Variants in CNTNAP4 observed in about 807,000 individuals in gnomAD.
The protein encoded by CNTNAP4 is contactin associated protein family member 4, also known as contactin-associated protein-like 4.
A neutral mutation model predicts 148.4 loss-of-function variants in CNTNAP4; 98 were observed. The observed-to-expected ratio is 0.66, with a 90% confidence interval of 0.56 to 0.78. The LOEUF (loss-of-function observed/expected upper bound fraction) is 0.78. Ranked by LOEUF, CNTNAP4 falls within the 30% of genes least tolerant of loss-of-function variation. The probability of loss-of-function intolerance (pLI) is 0.00; values close to 1 mark genes in which losing one functional copy is unlikely to be tolerated. For synonymous variants in CNTNAP4, 730 were observed against 565.1 expected (o/e 1.29, Z -4.14); for missense variants, 1,935 against 1,565.6 (o/e 1.24, Z -3.98).
intron 3 of CNTNAP4, among the ~76,000 whole-genome samples, chr16:76,421,764 C>A (rs534448425): frequency 6.6e-6 from 1 of 152,132 alleles, no homozygotes; most frequent in Non-Finnish European, 1.5e-5. Context: ...AGAATTCTCA[C>A]AACAAGGGAG....
intron 3 of CNTNAP4, among the ~76,000 whole-genome samples, chr16:76,413,988 A>C (rs1198840874): frequency 6.6e-6 from 1 of 151,210 alleles, no homozygotes; most frequent in Non-Finnish European, 1.5e-5. Context: ...ATTTGCACTC[A>C]TACACCTATA....
chr16:76,517,379 T>G (rs957479226), intron 15 of CNTNAP4, among the ~76,000 whole-genome samples: 1 of 152,202 alleles, frequency 6.6e-6, no homozygotes, highest in African/African-American at 2.4e-5. Flanking sequence ...GCATGGAATC[T>G]TTCTGTGTTA....
At chr16:76,501,020 A>G (rs2082617983) in intron 15 of CNTNAP4, among the ~76,000 whole-genome samples, 1 of 152,202 alleles carries the variant, frequency 6.6e-6, no homozygotes, top group African/African-American at 2.4e-5. Context: ...CAGTGGATTT[A>G]TGGAGACACA....
At chr16:76,296,067 C>CT (rs1319310754) in intron 1 of CNTNAP4, among the ~76,000 whole-genome samples, 6 of 152,088 alleles carry the variant, frequency 3.9e-5, no homozygotes, top group Non-Finnish European at 8.8e-5. Context: ...TATTTAAAAG[C>CT]TTTTTTGAGA....
At chr16:76,429,382 A>G (rs34707016) in intron 4 of CNTNAP4, among the ~76,000 whole-genome samples, 54,559 of 152,058 alleles carry the variant, frequency 0.36, 11,250 homozygotes, top group Non-Finnish European at 0.45. Flanking sequence ...CTTGCAAAAT[A>G]CTTGTCTATC....
chr16:76,462,885 T>C (rs992190547), intron 9 of CNTNAP4, among the ~76,000 whole-genome samples: 1 of 152,242 alleles, frequency 6.6e-6, no homozygotes, highest in Non-Finnish European at 1.5e-5. Context: ...TTTTACTAAT[T>C]GCTTGTATCT....
chr16:76,524,598 A>C (rs913044983), intron 17 of CNTNAP4, among the ~76,000 whole-genome samples: 1 of 152,174 alleles, frequency 6.6e-6, no homozygotes, highest in South Asian at 2.1e-4. Flanking sequence ...GAAATGAAGC[A>C]CTAGTATGTC....
chr16:76,396,560 G>T (rs1172869557), intron 3 of CNTNAP4, among the ~76,000 whole-genome samples: 1 of 152,208 alleles, frequency 6.6e-6, no homozygotes, highest in Admixed American at 6.5e-5. Context: ...TTACAGAGTG[G>T]TTTTGTTTTT....
At chr16:76,379,446 G>C (rs2015748942) in intron 3 of CNTNAP4, among the ~76,000 whole-genome samples, 1 of 151,822 alleles carries the variant, frequency 6.6e-6, no homozygotes, top group African/African-American at 2.4e-5. Flanking sequence ...CTTTGTTTGG[G>C]GTTTAGAGTT....
At chr16:76,462,991 C>A (rs1490298118) in intron 9 of CNTNAP4, among the ~76,000 whole-genome samples, 1 of 152,106 alleles carries the variant, frequency 6.6e-6, no homozygotes, top group East Asian at 1.9e-4. Flanking sequence ...AGCACACAGT[C>A]CATGAATCAG....
At chr16:76,468,342 C>T (rs761557501) in intron 10 of CNTNAP4, among the ~76,000 whole-genome samples, 5 of 151,900 alleles carry the variant, frequency 3.3e-5, no homozygotes, top group African/African-American at 7.2e-5. Context: ...GGCATGGTGG[C>T]GGATGCCTGT....
At chr16:76,359,356 C>T (rs1385140446) in intron 3 of CNTNAP4, among the ~76,000 whole-genome samples, 2 of 152,090 alleles carry the variant, frequency 1.3e-5, no homozygotes, top group Admixed American at 6.5e-5. Context: ...AAACAAAAGA[C>T]AAGTGTTACT....
rs2082601186 is a variant in CNTNAP4 at position 76,500,641 on chromosome 16, TG to T, written c.2365+1948del. Among the ~76,000 whole-genome samples, 3 of 139,600 alleles carry T rather than the reference TG, an allele frequency of 2.1e-5. No homozygotes were observed. In the South Asian group the frequency reaches 6.9e-4, roughly 32 times the overall value. The allele number at this position is 139,600 out of a possible 152,430, so 91.6% of individuals were successfully genotyped here. On this transcript the variant is annotated intron_variant, in intron 15 of 23. Transcript: ENST00000611870. ...TTGTGTGTGTGTGTGTGTGTGTGTGTGTCTGTGTGCATTTACTTTAAACCAG... is the reference window on the plus strand; with the variant it reads ...TTGTGTGTGTGTGTGTGTGTGTGTGTTCTGTGTGCATTTACTTTAAACCAG...
intron 15 of CNTNAP4, among the ~76,000 whole-genome samples, chr16:76,503,702 C>A (rs564226599): frequency 6.6e-6 from 1 of 151,486 alleles, no homozygotes; most frequent in Admixed American, 6.6e-5. Flanking sequence ...CAACAGGCCC[C>A]GGTGTGTGAT....
intron 15 of CNTNAP4, among the ~76,000 whole-genome samples, chr16:76,499,323 C>T (rs1050904759): frequency 6.6e-6 from 1 of 152,030 alleles, no homozygotes; most frequent in African/African-American, 2.4e-5. Flanking sequence ...AAAGTCCATT[C>T]ATACCTCCAG....
chr16:76,372,034 G>T lies in CNTNAP4; in HGVS notation c.390+16523G>T, dbSNP rs922575977. 2.0e-5 allele frequency among the ~76,000 whole-genome samples: 3 copies of T among 152,056 alleles called. No individual in the cohort carries two copies. The East Asian group carries it at 5.8e-4, about 29-fold the overall frequency. On this transcript the variant is annotated intron_variant, in intron 3 of 23. Transcript: ENST00000611870. Reference sequence around the variant, plus strand: ...AGGGAGTCTCTGCATTGCTTTGCAGGGTTTGTATAACTTTAATCAACCGAA... The same window carrying T: ...AGGGAGTCTCTGCATTGCTTTGCAGTGTTTGTATAACTTTAATCAACCGAA...
chr16:76,555,077 G>A lies in CNTNAP4; in HGVS notation c.3733+1170G>A, dbSNP rs1051749569. On this transcript the variant is annotated intron_variant, in intron 23 of 23. Transcript: ENST00000611870. Reference sequence around the variant, plus strand: ...TTTCTATATCCATATCATATTCAGAGTGTAAAGAAAGGTGAACCACTTAAC... The same window carrying A: ...TTTCTATATCCATATCATATTCAGAATGTAAAGAAAGGTGAACCACTTAAC... Among the ~76,000 whole-genome samples the A allele has an allele frequency of 1.5e-4, 23 of 152,020 alleles. No individual in the cohort carries two copies. The South Asian group carries it at 4.4e-3, about 29-fold the overall frequency.
At chr16:76,433,390 A>G (rs746474978) in intron 4 of CNTNAP4, among the ~76,000 whole-genome samples, 46 of 152,170 alleles carry the variant, frequency 3.0e-4, no homozygotes, top group Non-Finnish European at 4.3e-4. Flanking sequence ...AGAGAAAATT[A>G]TGGATCATAT....
At chr16:76,378,068 C>T (rs1332879812) in intron 3 of CNTNAP4, among the ~76,000 whole-genome samples, 2 of 152,172 alleles carry the variant, frequency 1.3e-5, no homozygotes, top group African/African-American at 4.8e-5. Flanking sequence ...CCAGAGATCA[C>T]TCTCAATTCT....
Sources: allele counts gnomAD v4.1 joint callset (sites outside exome capture counted in the v4.1 genomes callset), GRCh38; gene constraint gnomAD v4.1.1; transcripts MANE v1.5; gene names NCBI Gene and HGNC (gene_info 2026-07-23, HGNC 2026-07-21).